KLF12: variants seen among roughly 807,000 people sequenced by gnomAD.
KLF12 encodes the protein Krueppel-like factor 12.
In KLF12, 9 loss-of-function variants were observed where a neutral mutation model predicts 37.8. The ratio of observed to expected loss-of-function variants is 0.24; its 90% CI spans 0.14 to 0.42. The LOEUF is 0.42. KLF12 is among the 10% of genes least tolerant of loss of function. The pLI, the probability that KLF12 is intolerant of heterozygous loss-of-function variation, is 1.00. For missense variants in KLF12, 411 were observed against 516.0 expected, an observed-to-expected ratio of 0.80 and a Z score of 1.97; for synonymous variants, 208 against 202.1, an observed-to-expected ratio of 1.03 and a Z score of -0.25.
At chr13:73,906,116 T>C (rs1888280385) in intron 3 of KLF12, among the ~76,000 whole-genome samples, 1 of 152,188 alleles carries the variant, frequency 6.6e-6, no homozygotes. Context: ...TTAGCTGATG[T>C]CACCAACTCC....
chr13:73,740,023 G>T (rs1285935881), intron 6 of KLF12, among the ~76,000 whole-genome samples: 1 of 149,820 alleles, frequency 6.7e-6, no homozygotes, highest in African/African-American at 2.4e-5. Flanking sequence ...GGGTGCTATG[G>T]TCTGATGTTT....
intron 2 of KLF12, among the ~76,000 whole-genome samples, chr13:73,954,159 T>C (rs1890751890): frequency 6.6e-6 from 1 of 151,820 alleles, no homozygotes; most frequent in Non-Finnish European, 1.5e-5. Context: ...TTTGTATTTT[T>C]AGTAGAGGCG....
intron 1 of KLF12, among the ~76,000 whole-genome samples, chr13:74,129,881 T>C (rs942422561): frequency 6.6e-6 from 1 of 152,172 alleles, no homozygotes; most frequent in Non-Finnish European, 1.5e-5. Context: ...AGAGAGAAAG[T>C]AACCATTTAA....
the KLF12 span, among the ~76,000 whole-genome samples, chr13:74,236,068 T>A: frequency 2.0e-5 from 3 of 149,352 alleles, no homozygotes; most frequent in Admixed American, 6.6e-5. Context: ...TAGCATTAGG[T>A]ATATCTCCCA....
chr13:73,734,379 T>C (rs986262839), intron 6 of KLF12, among the ~76,000 whole-genome samples: 7 of 152,104 alleles, frequency 4.6e-5, no homozygotes, highest in Admixed American at 1.3e-4. Context: ...AGAATGTAAG[T>C]TTTATGTGGC....
At chr13:74,215,410 C>A in the KLF12 span, among the ~76,000 whole-genome samples, 1 of 124,606 alleles carries the variant, frequency 8.0e-6, no homozygotes, top group East Asian at 2.3e-4. Flanking sequence ...CTACCATATT[C>A]TCATTTCCTC....
intron 3 of KLF12, among the ~76,000 whole-genome samples, chr13:73,899,567 T>A (rs551484064): frequency 6.6e-6 from 1 of 152,140 alleles, no homozygotes; most frequent in Non-Finnish European, 1.5e-5. Context: ...GGTATAGCTA[T>A]AGGGGTGTTT....
At chr13:73,979,962 A>G (rs914470867) in intron 2 of KLF12, among the ~76,000 whole-genome samples, 1 of 152,218 alleles carries the variant, frequency 6.6e-6, no homozygotes, top group Non-Finnish European at 1.5e-5. Context: ...ACGTGAAGGC[A>G]CAGGGTGAAG....
chr13:73,965,223 T>TA (rs1402060190), intron 2 of KLF12, among the ~76,000 whole-genome samples: 5 of 152,318 alleles, frequency 3.3e-5, no homozygotes, highest in Middle Eastern at 6.8e-3. Flanking sequence ...CTGAGAACTT[T>TA]ATACTTTAAT....
At chr13:73,713,842 T>C (rs1288853891) in intron 7 of KLF12, among the ~76,000 whole-genome samples, 1 of 152,246 alleles carries the variant, frequency 6.6e-6, no homozygotes, top group African/African-American at 2.4e-5. Flanking sequence ...GAGGCTAATA[T>C]GTATTCCAGA....
At chr13:73,717,952 C>T (rs1006036717) in intron 6 of KLF12, among the ~76,000 whole-genome samples, 1 of 151,894 alleles carries the variant, frequency 6.6e-6, no homozygotes, top group Admixed American at 6.6e-5. Flanking sequence ...TTGGCACTTC[C>T]TTTTATTTCC....
intron 5 of KLF12, among the ~76,000 whole-genome samples, chr13:73,812,487 G>A (rs1391452576): frequency 6.6e-6 from 1 of 151,288 alleles, no homozygotes; most frequent in Non-Finnish European, 1.5e-5. Flanking sequence ...TATACTTTAA[G>A]TATATAAAGT....
chr13:73,738,068 T>TAC (rs1209753358), intron 6 of KLF12, among the ~76,000 whole-genome samples: 3 of 144,700 alleles, frequency 2.1e-5, no homozygotes, highest in Admixed American at 7.0e-5. Flanking sequence ...TATATATATA[T>TAC]ACACACACAT....
chr13:73,955,522 AC>A (rs1890804523), intron 2 of KLF12, among the ~76,000 whole-genome samples: 1 of 152,222 alleles, frequency 6.6e-6, no homozygotes, highest in African/African-American at 2.4e-5. Context: ...AATACAAGTC[AC>A]TTCATCCTAA....
the KLF12 span, among the ~76,000 whole-genome samples, chr13:74,182,742 C>G: frequency 0.035 from 5,263 of 152,250 alleles, 214 homozygotes; most frequent in African/African-American, 0.092. Flanking sequence ...GAAACCAGAG[C>G]ATTGCTTCCA....
At chr13:73,757,241 G>A (rs1181745061) in intron 6 of KLF12, among the ~76,000 whole-genome samples, 2 of 152,142 alleles carry the variant, frequency 1.3e-5, no homozygotes, top group African/African-American at 2.4e-5. Context: ...AGGGTCCTCA[G>A]CCCCTTAGCT....
intron 7 of KLF12, among the ~76,000 whole-genome samples, chr13:73,699,238 A>C (rs1302329643): frequency 6.7e-6 from 1 of 148,332 alleles, no homozygotes; most frequent in Non-Finnish European, 1.5e-5. Context: ...AAAAAAACGT[A>C]GCCAGGTGCA....
At chr13:73,904,787 C>T (rs1034509310) in intron 3 of KLF12, among the ~76,000 whole-genome samples, 20 of 152,074 alleles carry the variant, frequency 1.3e-4, no homozygotes, top group South Asian at 4.2e-4. Flanking sequence ...AACAGTGATG[C>T]GTGTAGTTCA....
chr13:73,940,760 A>AT (rs1462202634), intron 3 of KLF12, among the ~76,000 whole-genome samples: 1 of 152,236 alleles, frequency 6.6e-6, no homozygotes. Context: ...TTGAAGACAC[A>AT]TGACCACATA....
Sources: allele counts gnomAD v4.1 joint callset (sites outside exome capture counted in the v4.1 genomes callset), GRCh38; gene constraint gnomAD v4.1.1; transcripts MANE v1.5; gene names NCBI Gene and HGNC (gene_info 2026-07-23, HGNC 2026-07-21).